CTNNA2: variants seen among roughly 807,000 people sequenced by gnomAD.
CTNNA2 encodes catenin alpha-2.
In CTNNA2, 42 loss-of-function variants were observed where a neutral mutation model predicts 101.0. The ratio of observed to expected loss-of-function variants is 0.42; its 90% CI spans 0.32 to 0.54. The LOEUF (loss-of-function observed/expected upper bound fraction) is 0.54. CTNNA2 is among the 20% of genes least tolerant of loss of function. The pLI, the probability that CTNNA2 is intolerant of heterozygous loss-of-function variation, is 0.14. For synonymous variants in CTNNA2, 450 were observed against 456.4 expected, an observed-to-expected ratio of 0.99 and a Z score of 0.18; for missense variants, 871 against 1,223.1, an observed-to-expected ratio of 0.71 and a Z score of 4.29.
At chr2:79,412,837 G>C (rs542352586) in intron 4 of CTNNA2, among the ~76,000 whole-genome samples, 17 of 152,162 alleles carry the variant, frequency 1.1e-4, no homozygotes, top group Admixed American at 4.6e-4. Flanking sequence ...TGAGCCACCT[G>C]TTCTATTAAT....
chr2:80,264,294 C>A (rs573987727), intron 7 of CTNNA2, among the ~76,000 whole-genome samples: 2 of 152,006 alleles, frequency 1.3e-5, no homozygotes, highest in Admixed American at 6.5e-5. Context: ...AAATGATTTA[C>A]AAATAGTAAT....
chr2:79,722,894 G>A (rs1260213099), intron 2 of CTNNA2, among the ~76,000 whole-genome samples: 6 of 152,074 alleles, frequency 3.9e-5, no homozygotes, highest in Admixed American at 3.9e-4. Flanking sequence ...TGTTATTTTG[G>A]ATTGCTATGC....
intron 4 of CTNNA2, among the ~76,000 whole-genome samples, chr2:79,488,114 T>A (rs1280182813): frequency 6.6e-6 from 1 of 151,738 alleles, no homozygotes; most frequent in African/African-American, 2.4e-5. Context: ...AGGTTGGGAG[T>A]TCGAGACCAG....
At chr2:79,946,964 G>A (rs1028446345) in intron 7 of CTNNA2, among the ~76,000 whole-genome samples, 3 of 152,016 alleles carry the variant, frequency 2.0e-5, no homozygotes, top group African/African-American at 7.2e-5. Flanking sequence ...AAAGATAAAG[G>A]GACTAATTTA....
chr2:79,295,377 A>G (rs1361679229), intron 2 of CTNNA2, among the ~76,000 whole-genome samples: 4 of 152,196 alleles, frequency 2.6e-5, no homozygotes, highest in Non-Finnish European at 4.4e-5. Flanking sequence ...AATAAAATTC[A>G]AATTAAATGC....
At chr2:80,131,505 A>G (rs1347244970) in intron 7 of CTNNA2, among the ~76,000 whole-genome samples, 1 of 152,196 alleles carries the variant, frequency 6.6e-6, no homozygotes, top group Non-Finnish European at 1.5e-5. Flanking sequence ...ATCTATTTCT[A>G]AGAGATTTTT....
At chr2:79,784,405 T>G (rs1180476238) in intron 3 of CTNNA2, among the ~76,000 whole-genome samples, 1 of 151,558 alleles carries the variant, frequency 6.6e-6, no homozygotes, top group Non-Finnish European at 1.5e-5. Context: ...GTAGCAGCTC[T>G]ACCCTGGTGA....
chr2:79,269,922 T>C (rs912010407), intron 2 of CTNNA2, among the ~76,000 whole-genome samples: 1 of 152,126 alleles, frequency 6.6e-6, no homozygotes, highest in Non-Finnish European at 1.5e-5. Context: ...CTATAAACTT[T>C]ATTTAGGGCC....
intron 4 of CTNNA2, among the ~76,000 whole-genome samples, chr2:79,428,990 T>C (rs1014663597): frequency 2.0e-5 from 3 of 152,182 alleles, no homozygotes; most frequent in African/African-American, 7.2e-5. Context: ...CAAGGGCTGA[T>C]TTCAGTAAAC....
chr2:79,833,157 G>T (rs2974167), intron 3 of CTNNA2, among the ~76,000 whole-genome samples: 1 of 151,980 alleles, frequency 6.6e-6, no homozygotes, highest in Admixed American at 6.5e-5. Context: ...ATTCCAATTC[G>T]TTGGGGTTTC....
At chr2:80,251,078 G>A (rs909666558) in intron 7 of CTNNA2, among the ~76,000 whole-genome samples, 102 of 152,200 alleles carry the variant, frequency 6.7e-4, no homozygotes, top group African/African-American at 2.4e-3. Flanking sequence ...TTTTAGTCAT[G>A]AGTGATTAGT....
intron 2 of CTNNA2, among the ~76,000 whole-genome samples, chr2:79,710,218 A>G (rs749688961): frequency 6.6e-6 from 1 of 152,236 alleles, no homozygotes; most frequent in African/African-American, 2.4e-5. Flanking sequence ...AAAAAAATGG[A>G]TGAGACTTCA....
At chr2:79,360,830 C>A (rs1179318914) in intron 3 of CTNNA2, among the ~76,000 whole-genome samples, 1 of 152,086 alleles carries the variant, frequency 6.6e-6, no homozygotes, top group Non-Finnish European at 1.5e-5. Flanking sequence ...CAGCTAAGAT[C>A]AGTAAAATGC....
At chr2:80,484,717 A>C (rs1192352790) in intron 9 of CTNNA2, among the ~76,000 whole-genome samples, 1 of 152,190 alleles carries the variant, frequency 6.6e-6, no homozygotes, top group South Asian at 2.1e-4. Flanking sequence ...AAACAAAATA[A>C]TGGGTCTGGC....
rs540409262 is a variant in CTNNA2, at chr2:80,411,542, T to C, written c.1138-7907T>C. Among the ~76,000 whole-genome samples the C allele has an allele frequency of 2.6e-5, 4 of 152,304 alleles. No homozygotes were observed. The South Asian group carries it at 6.2e-4, about 24-fold the overall frequency. ...GAGCTTTCAGAATCCCTTGTATATA[T>C]ACTTTACTCGTTCAGGAATCACATT... is the stretch of plus-strand genomic sequence containing the variant. On this transcript the variant is annotated intron_variant, in intron 8 of 18. Transcript: ENST00000402739.
At chr2:79,778,739 C>G (rs1390712165) in intron 3 of CTNNA2, among the ~76,000 whole-genome samples, 2 of 152,056 alleles carry the variant, frequency 1.3e-5, no homozygotes, top group African/African-American at 4.8e-5. Context: ...CTTTCTTTCT[C>G]TCTCTCCTCT....
At chr2:79,389,655 T>G (rs369724035) in intron 4 of CTNNA2, among the ~76,000 whole-genome samples, 1 of 152,172 alleles carries the variant, frequency 6.6e-6, no homozygotes, top group East Asian at 1.9e-4. Context: ...GAAGCTGATC[T>G]CAGTCTGCCA....
chr2:80,629,567 C>T (rs1672059361), intron 18 of CTNNA2, among the ~76,000 whole-genome samples: 1 of 152,078 alleles, frequency 6.6e-6, no homozygotes, highest in Admixed American at 6.5e-5. Context: ...GAAAGAGAAA[C>T]CTATAGGCTA....
chr2:80,556,857 A>AG (rs1693083172), intron 12 of CTNNA2, among the ~76,000 whole-genome samples: 1 of 152,198 alleles, frequency 6.6e-6, no homozygotes, highest in Non-Finnish European at 1.5e-5. Context: ...TCAAACCCTA[A>AG]GGGGGACCTT....
Sources: allele counts gnomAD v4.1 joint callset (sites outside exome capture counted in the v4.1 genomes callset), GRCh38; gene constraint gnomAD v4.1.1; transcripts MANE v1.5; gene names NCBI Gene and HGNC (gene_info 2026-07-23, HGNC 2026-07-21).